The following CTNND2 variants were observed in gnomAD, a reference collection of about 807,000 sequenced individuals.
CTNND2 encodes the protein catenin delta 2.
CTNND2 carries 22 observed loss-of-function variants against 144.4 expected under a neutral mutation model. That is an observed-to-expected ratio of 0.15 (90% CI 0.11 to 0.22). CTNND2 has a LOEUF of 0.22. Among genes scored for constraint, CTNND2 ranks in the 10% least tolerant of loss-of-function variants. CTNND2 has a pLI of 1.00. For synonymous variants in CTNND2, 751 were observed against 695.6 expected (o/e 1.08, Z -1.25); for missense variants, 1,353 against 1,618.8 (o/e 0.84, Z 2.82).
chr5:11,184,819 C>G (rs1735452878), intron 11 of CTNND2, among the ~76,000 whole-genome samples: 1 of 152,110 alleles, frequency 6.6e-6, no homozygotes, highest in Admixed American at 6.5e-5. Context: ...TTCCTTCCAC[C>G]CAAAGGCCCT....
chr5:11,207,756 C>T (rs138208367), intron 10 of CTNND2, among the ~76,000 whole-genome samples: 143 of 152,286 alleles, frequency 9.4e-4, no homozygotes, highest in African/African-American at 3.2e-3. Flanking sequence ...ACTATTTGAA[C>T]TTGAACTTGA....
At chr5:11,720,667 A>G (rs1395762111) in intron 2 of CTNND2, among the ~76,000 whole-genome samples, 1 of 152,104 alleles carries the variant, frequency 6.6e-6, no homozygotes, top group East Asian at 1.9e-4. Context: ...TTGGGAGCTT[A>G]TTTTGTCTAC....
chr5:11,218,082 T>C (rs991346731), intron 10 of CTNND2, among the ~76,000 whole-genome samples: 3 of 150,098 alleles, frequency 2.0e-5, no homozygotes, highest in Admixed American at 2.0e-4. Context: ...TTCCTTTTCC[T>C]CTTCATCTGT....
chr5:11,686,042 C>CA (rs778370487), intron 2 of CTNND2, among the ~76,000 whole-genome samples: 91 of 151,968 alleles, frequency 6.0e-4, no homozygotes, highest in Admixed American at 1.6e-3. Flanking sequence ...CCCATCTCTA[C>CA]AAAAAATATA....
intron 2 of CTNND2, among the ~76,000 whole-genome samples, chr5:11,718,920 G>C (rs1786507895): frequency 6.6e-6 from 1 of 152,140 alleles, no homozygotes; most frequent in Non-Finnish European, 1.5e-5. Flanking sequence ...AGACTGCATA[G>C]TCTTTACTGC....
chr5:11,236,715 A>G lies in CTNND2; in HGVS notation c.1737T>C (p.Phe579=), dbSNP rs749999355. Residue 579 remains phenylalanine (F), a synonymous_variant, in exon 10 of 22, where the codon TTT becomes TTC. Transcript: ENST00000304623. ...NAAAYLQHLC[F]GDNKIKAEIR... The stretch of plus-strand genomic sequence containing the variant: ...CCTCGGCTTTAATTTTGTTGTCTCC[A>G]AAACAGAGGTGTTGCAAGTAGGCTG... 10 of 1,614,066 alleles carry G rather than the reference A, an allele frequency of 6.2e-6. No individual in the cohort carries two copies. In the African/African-American group the frequency reaches 1.3e-4, roughly 22 times the overall value.
At chr5:11,789,128 A>T (rs916454397) in intron 1 of CTNND2, among the ~76,000 whole-genome samples, 38 of 152,318 alleles carry the variant, frequency 2.5e-4, no homozygotes, top group Admixed American at 2.0e-4. Flanking sequence ...GTGGGACTGT[A>T]AACTAGTCGA....
chr5:11,736,897 G>C (rs1482314899), intron 1 of CTNND2, among the ~76,000 whole-genome samples: 2 of 152,058 alleles, frequency 1.3e-5, no homozygotes, highest in African/African-American at 2.4e-5. Flanking sequence ...CTAATGCAAG[G>C]TTTTTGAATT....
intron 1 of CTNND2, among the ~76,000 whole-genome samples, chr5:11,752,525 T>A (rs1178447387): frequency 1.3e-5 from 2 of 151,760 alleles, no homozygotes; most frequent in Admixed American, 1.3e-4. Context: ...TCTGTTCCAC[T>A]GGTCTATGTG....
intron 1 of CTNND2, among the ~76,000 whole-genome samples, chr5:11,737,828 A>T (rs11948570): frequency 0.14 from 22,007 of 152,118 alleles, 1,791 homozygotes; most frequent in East Asian, 0.27. Context: ...TGCATACACA[A>T]AGACAGAAAG....
intron 8 of CTNND2, among the ~76,000 whole-genome samples, chr5:11,361,489 C>T (rs1386745633): frequency 6.6e-6 from 1 of 152,182 alleles, no homozygotes; most frequent in African/African-American, 2.4e-5. Flanking sequence ...TCCACACAAC[C>T]CGTGTGACCT....
At chr5:11,231,473 A>G (rs1741012801) in intron 10 of CTNND2, among the ~76,000 whole-genome samples, 1 of 152,190 alleles carries the variant, frequency 6.6e-6, no homozygotes, top group Non-Finnish European at 1.5e-5. Context: ...TCTCAGATAG[A>G]TATGCGGAAC....
chr5:11,524,164 C>T (rs1773005690), intron 3 of CTNND2, among the ~76,000 whole-genome samples: 1 of 152,056 alleles, frequency 6.6e-6, no homozygotes, highest in Non-Finnish European at 1.5e-5. Flanking sequence ...CCTCACTGCA[C>T]CCCACACTTG....
At chr5:11,723,429 A>G (rs1228393213) in intron 2 of CTNND2, among the ~76,000 whole-genome samples, 1 of 152,184 alleles carries the variant, frequency 6.6e-6, no homozygotes, top group East Asian at 1.9e-4. Flanking sequence ...CACATTCTGA[A>G]GCGATATGCA....
At chr5:11,240,765 C>T (rs1324788420) in intron 9 of CTNND2, among the ~76,000 whole-genome samples, 17 of 139,330 alleles carry the variant, frequency 1.2e-4, no homozygotes, top group Non-Finnish European at 1.7e-4. Context: ...ATCCAACAGA[C>T]AAATACATTC....
At chr5:11,901,915 A>T (rs1737922448) in intron 1 of CTNND2, among the ~76,000 whole-genome samples, 1 of 152,242 alleles carries the variant, frequency 6.6e-6, no homozygotes, top group Non-Finnish European at 1.5e-5. Context: ...TACTTCATCT[A>T]TTGCTTTTGA....
chr5:11,246,892 G>A (rs1238531757), intron 9 of CTNND2, among the ~76,000 whole-genome samples: 7 of 152,202 alleles, frequency 4.6e-5, no homozygotes, highest in East Asian at 3.9e-4. Context: ...AGAAGGTCAC[G>A]GGGTGAAGAG....
At chr5:11,215,001 G>A (rs1180548497) in intron 10 of CTNND2, among the ~76,000 whole-genome samples, 2 of 152,168 alleles carry the variant, frequency 1.3e-5, no homozygotes, top group Non-Finnish European at 2.9e-5. Context: ...TCAGTGCTGT[G>A]AGAGCAGAGA....
chr5:11,110,350 T>C (rs1320881265), intron 14 of CTNND2, among the ~76,000 whole-genome samples: 1 of 152,242 alleles, frequency 6.6e-6, no homozygotes, highest in Non-Finnish European at 1.5e-5. Context: ...TGCCATCCTG[T>C]GGAAGGGCTG....
Sources: allele counts gnomAD v4.1 joint callset (sites outside exome capture counted in the v4.1 genomes callset), GRCh38; gene constraint gnomAD v4.1.1; transcripts MANE v1.5; gene names NCBI Gene and HGNC (gene_info 2026-07-23, HGNC 2026-07-21).